Variants in NCOR2 observed in about 807,000 individuals in gnomAD.
NCOR2 encodes the protein nuclear receptor corepressor 2, also known as CTG repeat protein 26.
A neutral mutation model predicts 262.9 loss-of-function variants in NCOR2; 81 were observed. That is an observed-to-expected ratio of 0.31 (90% CI 0.26 to 0.37). The LOEUF is 0.37. Among genes scored for constraint, NCOR2 ranks in the 10% least tolerant of loss-of-function variants. NCOR2 has a pLI of 1.00. For missense variants in NCOR2, 3,385 were observed against 3,621.4 expected (o/e 0.93, Z 1.68); for synonymous variants, 1,659 against 1,559.3 (o/e 1.06, Z -1.51).
chr12:124,330,723 C>A, intron 44 of NCOR2, 122 bp downstream of exon 46: 10 of 1,133,030 alleles, frequency 8.8e-6, no homozygotes, highest in Non-Finnish European at 1.3e-5. Flanking sequence ...TAGTTCATCC[C>A]AGAATGAGGG....
chr12:124,398,061 A>C, intron 16 of NCOR2, 58 bp downstream of exon 18: 1 of 1,598,350 alleles, frequency 6.3e-7, no homozygotes, highest in African/African-American at 1.3e-5. Flanking sequence ...CCAGCACGTG[A>C]GCTTCAGGCG....
At chr12:124,478,418 C>G (rs1335942337) in intron 3 of NCOR2, among the ~76,000 whole-genome samples, 1 of 152,176 alleles carries the variant, frequency 6.6e-6, no homozygotes, top group Non-Finnish European at 1.5e-5. Flanking sequence ...AAGGAAGTCT[C>G]TGATGCCACA....
exon 38 of NCOR2, chr12:124,337,018 T>C: frequency 6.6e-7 from 1 of 1,505,260 alleles, no homozygotes; most frequent in Non-Finnish European, 8.8e-7. Flanking sequence ...GGCCGGTGTC[T>C]GCTCGGGGCC....
intron 13 of NCOR2, among the ~76,000 whole-genome samples, chr12:124,413,905 T>G (rs1292510885): frequency 6.6e-6 from 1 of 151,584 alleles, no homozygotes; most frequent in Non-Finnish European, 1.5e-5. Context: ...ACACAGGTGG[T>G]GGCGGGGGGT....
intron 16 of NCOR2, among the ~76,000 whole-genome samples, chr12:124,397,610 G>A (rs1386636770): frequency 2.0e-5 from 3 of 152,146 alleles, no homozygotes; most frequent in Non-Finnish European, 4.4e-5. Context: ...ACCCAGATTG[G>A]GGTGCTCAAA....
intron 1 of NCOR2, among the ~76,000 whole-genome samples, chr12:124,543,693 G>A (rs2051451809): frequency 1.3e-5 from 2 of 152,252 alleles, no homozygotes; most frequent in Non-Finnish European, 2.9e-5. Context: ...GCTTTTGGGA[G>A]GGAAGGGGGA....
chr12:124,434,144 C>T (rs529980555), intron 8 of NCOR2, among the ~76,000 whole-genome samples: 4 of 152,110 alleles, frequency 2.6e-5, no homozygotes, highest in East Asian at 3.9e-4. Flanking sequence ...ATGACAGGGA[C>T]GAGGCCCTGC....
rs2041134429 is a variant in NCOR2 at position 124,389,642 on chromosome 12, CCT to C, written c.1877-3757_1877-3756del. ...CTGATGCTGCCGAGGCTGACCGAGC[CCT>C]CTGTCGGGGACTGTGGGTGGGCAGG... is the stretch of plus-strand genomic sequence containing the variant. On this transcript the variant is annotated intron_variant, in intron 16 of 46. Transcript: ENST00000405201. The surrounding 1 kb of genome is among the most constrained non-coding windows in gnomAD (Gnocchi z 4.4). Among the ~76,000 whole-genome samples the C allele has an allele frequency of 6.6e-6, 1 of 152,150 alleles. No homozygotes were observed. Among genetic ancestry groups the C allele is most frequent in the African/African-American group, 2.4e-5 (1 of 41,424 alleles).
intron 37 of NCOR2, among the ~76,000 whole-genome samples, chr12:124,337,626 C>G (rs939878298): frequency 6.6e-6 from 1 of 152,156 alleles, no homozygotes; most frequent in East Asian, 1.9e-4. Context: ...GGAGGGGGCA[C>G]ATGAGGGAGC....
intron 27 of NCOR2, among the ~76,000 whole-genome samples, chr12:124,353,876 C>T (rs926746289): frequency 6.6e-6 from 1 of 152,248 alleles, no homozygotes; most frequent in African/African-American, 2.4e-5. Flanking sequence ...CCTTCCACTA[C>T]ATGGCAGCTC....
intron 4 of NCOR2, among the ~76,000 whole-genome samples, chr12:124,467,173 C>A: frequency 7.9e-6 from 1 of 126,796 alleles, no homozygotes; most frequent in Middle Eastern, 4.8e-3. Flanking sequence ...ATCACCCCAT[C>A]ACCTGCATCC....
chr12:124,364,997 G>A (rs984893074), intron 20 of NCOR2, among the ~76,000 whole-genome samples: 9 of 151,418 alleles, frequency 5.9e-5, no homozygotes, highest in Non-Finnish European at 1.3e-4. Flanking sequence ...GGGTATGGAG[G>A]TGGCCCAGCC....
At chr12:124,537,113 C>A (rs2051137142), upstream of NCOR2, among the ~76,000 whole-genome samples, 1 of 152,186 alleles carries the variant, frequency 6.6e-6, no homozygotes, top group Admixed American at 6.5e-5. Flanking sequence ...AAGAGGCCTG[C>A]AGAGGTAGTC....
exon 29 of NCOR2, chr12:124,348,259 G>C: frequency 6.2e-7 from 1 of 1,613,302 alleles, no homozygotes; most frequent in Non-Finnish European, 8.5e-7. Flanking sequence ...TCTCATGGGG[G>C]GGTCCTGAGC....
At chr12:124,474,698 T>C (rs2047005795) in intron 3 of NCOR2, among the ~76,000 whole-genome samples, 2 of 152,218 alleles carry the variant, frequency 1.3e-5, no homozygotes, top group South Asian at 4.2e-4. Flanking sequence ...ACCTCCCCGG[T>C]CCTTGTGAGT....
upstream of NCOR2, chr12:124,495,355 C>T (rs1565996479): frequency 4.1e-6 from 6 of 1,450,400 alleles, no homozygotes; most frequent in Admixed American, 2.7e-5. This position sits in a 1 kb window ranked among gnomAD's most constrained non-coding sequence, Gnocchi z 4.4. Flanking sequence ...CACGGGCCAC[C>T]CCGTCACTGG....
chr12:124,397,105 T>C (rs1015320166), intron 16 of NCOR2, among the ~76,000 whole-genome samples: 10 of 152,088 alleles, frequency 6.6e-5, no homozygotes, highest in Non-Finnish European at 1.0e-4. Flanking sequence ...AACAGGGACA[T>C]GGGCGGGGAC....
intron 5 of NCOR2, among the ~76,000 whole-genome samples, chr12:124,465,714 T>C (rs1409684358): frequency 6.6e-6 from 1 of 152,100 alleles, no homozygotes; most frequent in African/African-American, 2.4e-5. Flanking sequence ...CTCTGGGCCT[T>C]AGGAAAATGG....
rs374660196 is a variant in NCOR2, at chr12:124,336,809, C to T, written c.6059G>A (p.Arg2020Gln). Residue 2020 changes from arginine (R) to glutamine (Q), a missense_variant, in exon 38 of 47, where the codon CGG becomes CAG. Coordinates refer to ENST00000405201, the Ensembl canonical transcript of NCOR2. ...AAAGGGTTTACTTTGAGTCTTTTCC[C>T]GGTGCGGGTCCGAGGCCGAGGCAGG... 8.1e-6 allele frequency: 13 copies of T among 1,613,086 alleles called. No homozygotes were observed. The highest frequency in any genetic ancestry group is 5.3e-5 in the African/African-American group (4 of 74,864).
Sources: gnomAD v4.1 joint callset for allele counts (sites outside exome capture counted in the v4.1 genomes callset) on GRCh38, gnomAD v4.1.1 for gene constraint, Gnocchi (gnomAD v3.1) non-coding constraint, MANE v1.5 for transcripts, NCBI Gene and HGNC (gene_info 2026-07-23, HGNC 2026-07-21) for gene names.